The following LRFN5 variants were observed in gnomAD, a reference collection of about 807,000 sequenced individuals.
LRFN5 encodes the protein leucine-rich repeat and fibronectin type-III domain-containing protein 5.
A neutral mutation model predicts 45.6 loss-of-function variants in LRFN5; 24 were observed. The observed-to-expected ratio is 0.53, with a 90% CI of 0.38 to 0.74. LRFN5 has a LOEUF of 0.74. LRFN5 is among the 30% of genes least tolerant of loss of function. The pLI is 0.00. For synonymous variants in LRFN5, 340 were observed against 313.8 expected, an observed-to-expected ratio of 1.08 and a Z score of -0.88; for missense variants, 776 against 861.5, an observed-to-expected ratio of 0.90 and a Z score of 1.24.
chr14:41,900,496 T>C (rs1891070577), intron 5 of LRFN5, among the ~76,000 whole-genome samples: 1 of 152,118 alleles, frequency 6.6e-6, no homozygotes, highest in Non-Finnish European at 1.5e-5. Context: ...AAGTAATTAG[T>C]ATTACAAAAA....
chr14:41,713,865 G>A (rs1489977149), intron 1 of LRFN5, among the ~76,000 whole-genome samples: 1 of 152,058 alleles, frequency 6.6e-6, no homozygotes. Context: ...TTCAGTTGTA[G>A]GAATGTAATA....
chr14:41,642,242 T>C (rs1233713661), intron 1 of LRFN5, among the ~76,000 whole-genome samples: 1 of 152,156 alleles, frequency 6.6e-6, no homozygotes, highest in African/African-American at 2.4e-5. Context: ...GAATCATCTA[T>C]TGGACCACAA....
intron 1 of LRFN5, among the ~76,000 whole-genome samples, chr14:41,766,453 T>A (rs895585515): frequency 6.6e-6 from 1 of 152,340 alleles, no homozygotes; most frequent in African/African-American, 2.4e-5. Context: ...TTTTTCAGGT[T>A]CATTCACTGC....
intron 2 of LRFN5, among the ~76,000 whole-genome samples, chr14:41,849,465 G>T (rs1889187523): frequency 6.6e-6 from 1 of 151,486 alleles, no homozygotes. Context: ...AAAAGTGGGA[G>T]GCTCTTTTCA....
chr14:41,903,634 G>T (rs542580308), intron 5 of LRFN5, among the ~76,000 whole-genome samples: 6 of 151,632 alleles, frequency 4.0e-5, no homozygotes, highest in Non-Finnish European at 5.9e-5. Flanking sequence ...AAGAGTTATT[G>T]TAAGTTTTCC....
At chr14:41,666,290 A>G (rs1880894659) in intron 1 of LRFN5, among the ~76,000 whole-genome samples, 1 of 152,068 alleles carries the variant, frequency 6.6e-6, no homozygotes, top group African/African-American at 2.4e-5. Context: ...ATTATTTGAA[A>G]GAGCTCCCCA....
At chr14:41,630,572 CA>C (rs1888498243) in intron 1 of LRFN5, among the ~76,000 whole-genome samples, 1 of 151,928 alleles carries the variant, frequency 6.6e-6, no homozygotes, top group Non-Finnish European at 1.5e-5. Context: ...TATTTGTTGT[CA>C]ATTTAGATGT....
chr14:41,726,438 C>G (rs1358206164), intron 1 of LRFN5, among the ~76,000 whole-genome samples: 1 of 152,064 alleles, frequency 6.6e-6, no homozygotes, highest in Non-Finnish European at 1.5e-5. Context: ...GGAAGTAACA[C>G]CCATGCATCC....
intron 2 of LRFN5, among the ~76,000 whole-genome samples, chr14:41,859,264 A>G (rs1889579294): frequency 1.3e-5 from 2 of 152,270 alleles, no homozygotes; most frequent in East Asian, 3.9e-4. Flanking sequence ...ATCAGACTAT[A>G]TTTATGACTA....
At chr14:41,779,759 G>A (rs967590189) in intron 2 of LRFN5, among the ~76,000 whole-genome samples, 6 of 151,856 alleles carry the variant, frequency 4.0e-5, no homozygotes, top group African/African-American at 1.4e-4. Context: ...TCGCCATAGA[G>A]TTATTCATAA....
At chr14:41,742,080 A>G (rs761124603) in intron 1 of LRFN5, among the ~76,000 whole-genome samples, 1 of 151,828 alleles carries the variant, frequency 6.6e-6, no homozygotes, top group Non-Finnish European at 1.5e-5. Flanking sequence ...ATGTAAATTA[A>G]TACAATCATT....
chr14:41,847,095 G>A (rs372526735), intron 2 of LRFN5, among the ~76,000 whole-genome samples: 40 of 152,100 alleles, frequency 2.6e-4, no homozygotes, highest in African/African-American at 8.4e-4. Flanking sequence ...TCATGAAAGT[G>A]TTTTTAAAAA....
rs535157668 is a variant in LRFN5, at chr14:41,656,688, G to A, written c.-197+48126G>A. ...TCAAACCCATTGTTATGATTCAAAT[G>A]CTCAGCAAATCAGTGTCCCATAATT... is the stretch of plus-strand genomic sequence containing the variant. On this transcript the variant is annotated intron_variant, in intron 1 of 5. Coordinates refer to ENST00000298119, the MANE Select transcript of LRFN5 (RefSeq NM_152447.5). Among the ~76,000 whole-genome samples the A allele has an allele frequency of 2.0e-5, 3 of 151,956 alleles. No individual in the cohort carries two copies. In the South Asian group the frequency reaches 6.2e-4, roughly 32 times the overall value.
chr14:41,832,491 A>AACTAAGATTATTT, intron 2 of LRFN5, among the ~76,000 whole-genome samples: 1 of 152,280 alleles, frequency 6.6e-6, no homozygotes, highest in African/African-American at 2.4e-5. Flanking sequence ...CTCCCTTCGG[A>AACTAAGATTATTT]ACTAAGATTA....
chr14:41,800,131 G>T (rs1420291061), intron 2 of LRFN5, among the ~76,000 whole-genome samples: 3 of 151,950 alleles, frequency 2.0e-5, no homozygotes, highest in African/African-American at 7.2e-5. Flanking sequence ...ACACCTTACT[G>T]ATGTACCATG....
intron 2 of LRFN5, among the ~76,000 whole-genome samples, chr14:41,844,250 A>G (rs1267122172): frequency 6.6e-6 from 1 of 152,070 alleles, no homozygotes; most frequent in African/African-American, 2.4e-5. Context: ...ATCCTGGCTA[A>G]CATGGTGAAA....
At chr14:41,828,315 CA>C (rs1888365629) in intron 2 of LRFN5, among the ~76,000 whole-genome samples, 1 of 151,928 alleles carries the variant, frequency 6.6e-6, no homozygotes, top group Non-Finnish European at 1.5e-5. Flanking sequence ...ATTCACAGAT[CA>C]AGATTTGAAA....
chr14:41,902,413 G>C (rs901769503), intron 5 of LRFN5, among the ~76,000 whole-genome samples: 2 of 151,750 alleles, frequency 1.3e-5, no homozygotes, highest in Non-Finnish European at 3.0e-5. Context: ...CTATTGATAA[G>C]TAAATTAAAA....
chr14:41,742,234 G>A (rs1387494101), intron 1 of LRFN5, among the ~76,000 whole-genome samples: 2 of 151,356 alleles, frequency 1.3e-5, no homozygotes, highest in African/African-American at 2.4e-5. Context: ...TTCAGAATTA[G>A]TCACAGTAGC....
Sources: gnomAD v4.1 joint callset for allele counts (sites outside exome capture counted in the v4.1 genomes callset) on GRCh38, gnomAD v4.1.1 for gene constraint, MANE v1.5 for transcripts, NCBI Gene and HGNC (gene_info 2026-07-23, HGNC 2026-07-21) for gene names.